The following ARHGEF3 variants were observed in gnomAD, a reference collection of about 807,000 sequenced individuals.
ARHGEF3 encodes Rho guanine nucleotide exchange factor 3, also known as 59.8 kDA protein.
A neutral mutation model predicts 63.2 loss-of-function variants in ARHGEF3; 28 were observed. That is an observed-to-expected ratio of 0.44 (90% CI 0.33 to 0.61). The LOEUF (loss-of-function observed/expected upper bound fraction) is 0.61, where lower values mean the gene tolerates loss of function less well. Ranked by LOEUF, ARHGEF3 falls within the 20% of genes least tolerant of loss-of-function variation. ARHGEF3 has a pLI of 0.03. For synonymous variants in ARHGEF3, 266 were observed against 254.2 expected (o/e 1.05, Z -0.44); for missense variants, 533 against 659.3 (o/e 0.81, Z 2.10).
chr3:57,027,829 A>G (rs919861181), intron 2 of ARHGEF3, among the ~76,000 whole-genome samples: 3 of 152,146 alleles, frequency 2.0e-5, no homozygotes, highest in Admixed American at 2.0e-4. Context: ...ATTGCACTCC[A>G]GCCTGGGCAA....
At chr3:56,834,893 T>C (rs2039057382) in intron 4 of ARHGEF3, among the ~76,000 whole-genome samples, 1 of 152,158 alleles carries the variant, frequency 6.6e-6, no homozygotes, top group South Asian at 2.1e-4. Flanking sequence ...TAAACATACA[T>C]TTGGCAGGGC....
intron 6 of ARHGEF3, among the ~76,000 whole-genome samples, chr3:56,749,167 C>A (rs149915636): frequency 5.3e-5 from 8 of 152,096 alleles, no homozygotes; most frequent in Admixed American, 5.2e-4. Context: ...CTGGCAACAA[C>A]GGGCCAGTTG....
chr3:56,807,619 G>GC (rs1166310183), intron 4 of ARHGEF3, among the ~76,000 whole-genome samples: 2 of 152,086 alleles, frequency 1.3e-5, no homozygotes, highest in Non-Finnish European at 2.9e-5. Context: ...TAATGACCAA[G>GC]CCCCCCTCTC....
At chr3:56,992,099 C>T (rs1701774101) in intron 2 of ARHGEF3, among the ~76,000 whole-genome samples, 1 of 150,082 alleles carries the variant, frequency 6.7e-6, no homozygotes, top group African/African-American at 2.5e-5. Context: ...CCAGCTTTCT[C>T]ATCCTCATCC....
At position 56,751,533 on chromosome 3, in the gene ARHGEF3, G is replaced by A. The variant is rs1578411839; in HGVS notation, c.439-137C>T. ...TAACAACTTCTCCCATAAAGCTGCA[G>A]AAACAGCAGAGAGGTGTGGCTGGAG... On this transcript the variant is annotated intron_variant, in intron 4 of 9. Coordinates refer to ENST00000296315, the MANE Select transcript of ARHGEF3 (RefSeq NM_019555.3). The A allele has an allele frequency of 4.3e-6, 3 of 691,764 alleles. No individual in the cohort carries two copies. In the East Asian group the frequency reaches 8.3e-5, roughly 19 times the overall value. The allele number at this position is 691,764 out of a possible 1,614,324, so 42.9% of individuals were successfully genotyped here.
At chr3:56,757,974 G>A (rs1398288753) in intron 2 of ARHGEF3, among the ~76,000 whole-genome samples, 7 of 150,890 alleles carry the variant, frequency 4.6e-5, no homozygotes, top group African/African-American at 1.5e-4. Context: ...CGCCCGCCTC[G>A]GCCTCCCAAA....
At chr3:56,866,252 T>C (rs1430586764) in intron 4 of ARHGEF3, among the ~76,000 whole-genome samples, 1 of 152,202 alleles carries the variant, frequency 6.6e-6, no homozygotes, top group Non-Finnish European at 1.5e-5. Flanking sequence ...TTCAGGTCCA[T>C]TCAGCACCTC....
intron 2 of ARHGEF3, among the ~76,000 whole-genome samples, chr3:56,974,396 G>A (rs1206165116): frequency 6.6e-6 from 1 of 152,118 alleles, no homozygotes; most frequent in Admixed American, 6.6e-5. Flanking sequence ...CACAAAAAAA[G>A]TGTTTCCCAG....
chr3:56,968,141 A>ATT (rs1700693414), intron 2 of ARHGEF3, among the ~76,000 whole-genome samples: 9 of 36,010 alleles, frequency 2.5e-4, no homozygotes, highest in Non-Finnish European at 3.8e-4. Context: ...ATTTTTATAT[A>ATT]TAATATATAT....
intron 3 of ARHGEF3, among the ~76,000 whole-genome samples, chr3:56,939,501 A>T (rs149282391): frequency 6.6e-6 from 1 of 152,346 alleles, no homozygotes; most frequent in African/African-American, 2.4e-5. Flanking sequence ...TTCTTGGACC[A>T]CCTTCTGTTT....
intron 3 of ARHGEF3, among the ~76,000 whole-genome samples, chr3:56,903,192 G>A (rs1001827125): frequency 6.6e-6 from 1 of 152,142 alleles, no homozygotes; most frequent in Non-Finnish European, 1.5e-5. Flanking sequence ...AATGGAGGTA[G>A]GGGTCATCGT....
At chr3:56,924,210 G>A (rs1297288292) in intron 3 of ARHGEF3, among the ~76,000 whole-genome samples, 2 of 152,220 alleles carry the variant, frequency 1.3e-5, no homozygotes, top group South Asian at 2.1e-4. Flanking sequence ...TAAATGATGT[G>A]TAAAAAATAG....
chr3:56,837,691 C>A (rs558375514), intron 4 of ARHGEF3, among the ~76,000 whole-genome samples: 1 of 152,182 alleles, frequency 6.6e-6, no homozygotes, highest in Non-Finnish European at 1.5e-5. Flanking sequence ...CAATAAACTG[C>A]GGCAGGTCCT....
At chr3:56,937,275 G>A (rs1475859397) in intron 3 of ARHGEF3, among the ~76,000 whole-genome samples, 1 of 152,116 alleles carries the variant, frequency 6.6e-6, no homozygotes, top group Non-Finnish European at 1.5e-5. Context: ...TGATAACTTA[G>A]GTTTGATGAT....
intron 4 of ARHGEF3, among the ~76,000 whole-genome samples, chr3:56,813,780 A>G (rs2038159810): frequency 6.6e-6 from 1 of 152,070 alleles, no homozygotes; most frequent in African/African-American, 2.4e-5. Context: ...GCCTCATGCC[A>G]CTCTGAAATT....
intron 2 of ARHGEF3, among the ~76,000 whole-genome samples, chr3:57,022,080 G>A (rs1294241286): frequency 6.6e-6 from 1 of 152,154 alleles, no homozygotes; most frequent in Admixed American, 6.5e-5. Flanking sequence ...AGATCAGCCT[G>A]GGTAACCCAA....
intron 4 of ARHGEF3, among the ~76,000 whole-genome samples, chr3:56,856,262 G>T (rs1282597704): frequency 1.3e-5 from 2 of 152,162 alleles, no homozygotes; most frequent in Non-Finnish European, 2.9e-5. Context: ...TAAAGAGAAA[G>T]AAAATAAGAA....
chr3:56,760,911 A>T (rs1270658605), intron 2 of ARHGEF3, among the ~76,000 whole-genome samples: 1 of 152,142 alleles, frequency 6.6e-6, no homozygotes. Context: ...TAAAAGAAAC[A>T]TTTTTTCTTA....
Position 57,045,267 on chromosome 3 carries a change from CAAAACAAAAAACAA to C in ARHGEF3, c.-27-10105_-27-10092del, listed in dbSNP as rs573633418. Among the ~76,000 whole-genome samples the C allele has an allele frequency of 5.3e-5, 8 of 152,180 alleles. No individual in the cohort carries two copies. The East Asian group carries it at 1.5e-3, about 29-fold the overall frequency. ...GGGTGATAAGAGCGAAACTCTGTCTCAAAACAAAAAACAAAAAACAAACTACTACTGTCAGCCTG... is the reference window on the plus strand; with the variant it reads ...GGGTGATAAGAGCGAAACTCTGTCTCAAAACAAACTACTACTGTCAGCCTG... On this transcript the variant is annotated intron_variant, in intron 1 of 12. Transcript: ENST00000338458.
Sources: allele counts gnomAD v4.1 joint callset (sites outside exome capture counted in the v4.1 genomes callset), GRCh38; gene constraint gnomAD v4.1.1; transcripts MANE v1.5; gene names NCBI Gene and HGNC (gene_info 2026-07-23, HGNC 2026-07-21).